SDHA: variants seen among roughly 807,000 people sequenced by gnomAD.
SDHA encodes succinate dehydrogenase complex flavoprotein subunit A.
SDHA carries 48 observed loss-of-function variants against 78.4 expected under a neutral mutation model. The observed-to-expected ratio is 0.61, with a 90% CI of 0.49 to 0.78. The LOEUF is 0.78. Among genes scored for constraint, SDHA ranks in the 30% least tolerant of loss-of-function variants. The pLI, the probability that SDHA is intolerant of heterozygous loss-of-function variation, is 0.00. For missense variants in SDHA, 680 were observed against 892.7 expected, an observed-to-expected ratio of 0.76 and a Z score of 3.04; for synonymous variants, 326 against 353.9, an observed-to-expected ratio of 0.92 and a Z score of 0.88.
chr5:219,446 A>G (rs6859853), intron 1 of SDHA, among the ~76,000 whole-genome samples: 14,570 of 152,266 alleles, frequency 0.096, 2,250 homozygotes, highest in African/African-American at 0.32. Context: ...AAAAATCTCA[A>G]TAGGAACCAA....
the SDHA span, among the ~76,000 whole-genome samples, chr5:262,478 G>T: frequency 6.6e-6 from 1 of 152,150 alleles, no homozygotes; most frequent in Non-Finnish European, 1.5e-5. Context: ...ATTCTCATAG[G>T]AGTGGAACCC....
intron 10 of SDHA, among the ~76,000 whole-genome samples, chr5:237,996 T>G (rs10036297): frequency 7.5e-6 from 1 of 132,784 alleles, no homozygotes; most frequent in East Asian, 2.0e-4. Context: ...CAGTGAGGAC[T>G]GATACCACTT....
downstream of SDHA, among the ~76,000 whole-genome samples, chr5:258,019 T>C: frequency 4.9e-5 from 1 of 20,210 alleles, no homozygotes; most frequent in East Asian, 6.2e-4. Context: ...CTCCACCCCC[T>C]GCCAGAGCAT....
intron 11 of SDHA, among the ~76,000 whole-genome samples, chr5:245,546 A>T (rs181263018): frequency 6.6e-6 from 1 of 152,330 alleles, no homozygotes; most frequent in African/African-American, 2.4e-5. Flanking sequence ...ATTATTCATT[A>T]TATGGATGAT....
intron 6 of SDHA, 43 bp downstream of exon 6, chr5:228,376 T>G: frequency 1.3e-6 from 2 of 1,554,638 alleles, no homozygotes; most frequent in Non-Finnish European, 1.8e-6. Flanking sequence ...TAAAAATGAA[T>G]AAATTTCATT....
rs1448087871 is a variant in SDHA at position 256,592 on chromosome 5, A to AG, written c.*175dup. ...GGAGCTTGCCAGGAACCCAGTGGCC[A>AG]GGGAGCGTGGCACTTACCTTTGTCC... On this transcript the variant is annotated 3_prime_UTR_variant, in exon 15 of 15. Transcript: ENST00000264932. The AG allele has an allele frequency of 1.2e-5, 8 of 674,278 alleles. No individual in the cohort carries two copies. Among genetic ancestry groups the AG allele is most frequent in the Admixed American group, 2.1e-5 (1 of 47,458 alleles). The allele number at this position is 674,278 out of a possible 1,614,324, so 41.8% of individuals were successfully genotyped here.
intron 8 of SDHA, chr5:234,769 C>G: frequency 3.1e-6 from 1 of 320,838 alleles, no homozygotes; most frequent in South Asian, 3.0e-5. Flanking sequence ...ACTTGAGCAT[C>G]CACGGATTTT....
At chr5:246,557 T>C (rs577730718) in intron 11 of SDHA, among the ~76,000 whole-genome samples, 1 of 152,334 alleles carries the variant, frequency 6.6e-6, no homozygotes, top group South Asian at 2.1e-4. Flanking sequence ...AATAGAATAG[T>C]TCCAGAGAAG....
At chr5:267,241 A>G in the SDHA span, among the ~76,000 whole-genome samples, 1 of 152,206 alleles carries the variant, frequency 6.6e-6, no homozygotes, top group Admixed American at 6.5e-5. Context: ...GTCACGGGAG[A>G]AAGTATCATT....
chr5:232,209 GTTTTTTT>G (rs79363643), intron 7 of SDHA, among the ~76,000 whole-genome samples: 3 of 149,332 alleles, frequency 2.0e-5, no homozygotes, highest in African/African-American at 7.4e-5. Context: ...TTGTTGTAGT[GTTTTTTT>G]TTTATTTGTT....
chr5:219,281 G>GTT (rs58226981), intron 1 of SDHA, among the ~76,000 whole-genome samples: 36,506 of 152,094 alleles, frequency 0.24, 6,820 homozygotes, highest in African/African-American at 0.52. Flanking sequence ...TGCTCTCTGA[G>GTT]TGTCTGAATG....
rs957159181 is a variant in SDHA at position 256,537 on chromosome 5, C to T, written c.*117C>T. On this transcript the variant is annotated 3_prime_UTR_variant, in exon 15 of 15. Transcript: ENST00000264932. ...TCTGCACTCTGGGGAAGAAGGAGTA[C>T]ATTGAAGGGAGATTGGCACCTAGTG... 12 of 940,202 alleles carry T rather than the reference C, an allele frequency of 1.3e-5. No individual in the cohort carries two copies. Among genetic ancestry groups the T allele is most frequent in the Admixed American group, 1.2e-4 (6 of 51,436 alleles). 58.2% of individuals were successfully genotyped at this position (940,202 alleles called of 1,614,324 possible). A position where few individuals can be genotyped will look rare whatever the true frequency, so the allele number is the denominator to read the frequency against.
At chr5:222,899 G>A (rs60081237) in intron 1 of SDHA, among the ~76,000 whole-genome samples, 1,920 of 152,276 alleles carry the variant, frequency 0.013, 41 homozygotes, top group African/African-American at 0.043. Context: ...AGCCAGGCAG[G>A]GGAGAGTGTG....
intron 14 of SDHA, among the ~76,000 whole-genome samples, chr5:255,289 G>C (rs1281294980): frequency 1.3e-5 from 2 of 151,806 alleles, no homozygotes; most frequent in African/African-American, 4.8e-5. Context: ...AGCTGTGTCT[G>C]TGGAAGTTAC....
At chr5:264,437 G>A in the SDHA span, among the ~76,000 whole-genome samples, 14 of 152,336 alleles carry the variant, frequency 9.2e-5, 1 homozygote, top group African/African-American at 3.4e-4. Context: ...CGGATCCCAC[G>A]TGGGCAGCTG....
intron 11 of SDHA, chr5:249,130 C>T (rs1003467564): frequency 1.2e-5 from 5 of 421,640 alleles, no homozygotes; most frequent in Non-Finnish European, 2.3e-5. Flanking sequence ...GAAGGAGCTG[C>T]AGACAGATTA....
In SDHA at chr5:254,376, G is replaced by A; in HGVS notation, c.1795-17G>A. ...CTGTTAGAGTAATAAGAAACGTGAT[G>A]GTGTTTCTGGCCTCAGGTGCGGATT... On this transcript the variant is annotated splice_polypyrimidine_tract_variant and intron_variant, in intron 13 of 14. Coordinates refer to ENST00000264932, the MANE Select transcript of SDHA (RefSeq NM_004168.4). The A allele has an allele frequency of 6.3e-7, 1 of 1,579,758 alleles. No individual in the cohort carries two copies. Among genetic ancestry groups the A allele is most frequent in the Non-Finnish European group, 8.6e-7 (1 of 1,161,846 alleles).
intron 14 of SDHA, among the ~76,000 whole-genome samples, chr5:255,580 T>G (rs1355495057): frequency 3.9e-5 from 6 of 152,020 alleles, no homozygotes; most frequent in Admixed American, 6.6e-5. Flanking sequence ...CACCTCAGCT[T>G]CCTGGGCACA....
chr5:241,804 A>G (rs773584446), intron 11 of SDHA, among the ~76,000 whole-genome samples: 2 of 152,232 alleles, frequency 1.3e-5, no homozygotes, highest in Non-Finnish European at 2.9e-5. Flanking sequence ...TCAGTCTTCA[A>G]GTGAAGCTGG....
Sources: gnomAD v4.1 joint callset for allele counts (sites outside exome capture counted in the v4.1 genomes callset) on GRCh38, gnomAD v4.1.1 for gene constraint, MANE v1.5 for transcripts, NCBI Gene and HGNC (gene_info 2026-07-23, HGNC 2026-07-21) for gene names.